ANK3: variants seen among roughly 807,000 people sequenced by gnomAD.
ANK3 encodes the protein ankyrin-3.
Under a neutral mutation model 370.9 loss-of-function variants are expected in ANK3, and 57 were observed. That is an observed-to-expected ratio of 0.15 (90% CI 0.12 to 0.19). The LOEUF is 0.19. ANK3 is among the 10% of genes least tolerant of loss of function. The pLI, the probability that ANK3 is intolerant of heterozygous loss-of-function variation, is 1.00. For missense variants in ANK3, 4,439 were observed against 5,302.1 expected (o/e 0.84, Z 5.06); for synonymous variants, 1,929 against 1,946.3 (o/e 0.99, Z 0.23).
chr10:60,731,201 T>C (rs527503776), intron 1 of ANK3, among the ~76,000 whole-genome samples: 1 of 152,292 alleles, frequency 6.6e-6, no homozygotes, highest in Admixed American at 6.5e-5. Context: ...CACACTTATT[T>C]CTTTAAACTC....
At chr10:60,707,390 A>G (rs938449579) in intron 1 of ANK3, among the ~76,000 whole-genome samples, 2 of 152,132 alleles carry the variant, frequency 1.3e-5, no homozygotes, top group Non-Finnish European at 2.9e-5. Context: ...TAATACAAAC[A>G]CAAGTGTGGA....
At chr10:60,364,543 G>A (rs894695861) in intron 1 of ANK3, among the ~76,000 whole-genome samples, 1 of 151,974 alleles carries the variant, frequency 6.6e-6, no homozygotes, top group Non-Finnish European at 1.5e-5. Context: ...GGGCCTGTTG[G>A]GGGGTGGGAG....
chr10:60,300,155 C>G (rs987679245), intron 1 of ANK3, among the ~76,000 whole-genome samples: 2 of 152,188 alleles, frequency 1.3e-5, no homozygotes, highest in Non-Finnish European at 2.9e-5. Flanking sequence ...ACAGAAAGGA[C>G]AGTCCATTGT....
chr10:60,140,894 C>G, intron 23 of ANK3: 2 of 985,974 alleles, frequency 2.0e-6, no homozygotes, highest in Non-Finnish European at 2.4e-6. Flanking sequence ...GGTGATTCTT[C>G]TCAAATATGA....
intron 1 of ANK3, among the ~76,000 whole-genome samples, chr10:60,654,705 T>A (rs2078839167): frequency 6.6e-6 from 1 of 152,218 alleles, no homozygotes; most frequent in African/African-American, 2.4e-5. Context: ...TTTTTGAAGT[T>A]CTTGTATATC....
chr10:60,135,969 A>C (rs571181726), intron 24 of ANK3, among the ~76,000 whole-genome samples: 76 of 151,732 alleles, frequency 5.0e-4, no homozygotes, highest in African/African-American at 1.8e-3. Context: ...ATTCAGCAAA[A>C]CTTACTAAAA....
chr10:60,510,545 A>T (rs1479978533), intron 2 of ANK3, among the ~76,000 whole-genome samples: 3 of 152,156 alleles, frequency 2.0e-5, no homozygotes, highest in African/African-American at 4.8e-5. Context: ...AGCATGGCAC[A>T]GTAGCTCACG....
chr10:60,728,168 A>T lies in ANK3; in HGVS notation c.57+5095T>A, dbSNP rs181249904. Among the ~76,000 whole-genome samples, 1,265 of 152,246 alleles carry T rather than the reference A, an allele frequency of 8.3e-3. 13 individuals are homozygous for T. Among genetic ancestry groups the T allele is most frequent in the South Asian group, 0.015 (74 of 4,822 alleles). On this transcript the variant is annotated intron_variant, in intron 1 of 43. Transcript: ENST00000373827. ...ACCACTGATAATATCTCAACTTTTT[A>T]AAAAAAGAAAGAAAACCTCAAGGAC...
chr10:60,722,739 G>A (rs1029651065), intron 1 of ANK3, among the ~76,000 whole-genome samples: 2 of 152,146 alleles, frequency 1.3e-5, no homozygotes, highest in African/African-American at 4.8e-5. Flanking sequence ...CCTTGGTGAT[G>A]AGTGAGATCT....
chr10:60,582,356 T>C (rs971247688), intron 2 of ANK3, among the ~76,000 whole-genome samples: 1 of 152,184 alleles, frequency 6.6e-6, no homozygotes, highest in Non-Finnish European at 1.5e-5. Flanking sequence ...CAGTACATCT[T>C]CCTGAGGCAT....
At chr10:60,369,798 T>C (rs2059868753) in intron 1 of ANK3, among the ~76,000 whole-genome samples, 1 of 152,184 alleles carries the variant, frequency 6.6e-6, no homozygotes, top group South Asian at 2.1e-4. Context: ...ACGTTAGATA[T>C]CTGTTTATTT....
intron 27 of ANK3, chr10:60,108,159 A>G (rs768089546): frequency 9.4e-6 from 4 of 426,724 alleles, no homozygotes; most frequent in Non-Finnish European, 1.9e-5. Context: ...AATTGTAGAC[A>G]TTCTGTATCT....
At chr10:60,176,920 C>A (rs1057039161) in intron 18 of ANK3, among the ~76,000 whole-genome samples, 1 of 152,086 alleles carries the variant, frequency 6.6e-6, no homozygotes, top group Non-Finnish European at 1.5e-5. Context: ...TCAAATATTT[C>A]TCCTTTTCTC....
intron 7 of ANK3, among the ~76,000 whole-genome samples, chr10:60,236,673 C>A (rs1352008886): frequency 6.6e-6 from 1 of 152,176 alleles, no homozygotes; most frequent in Admixed American, 6.5e-5. Flanking sequence ...GGAAAGGTTG[C>A]ACATTCTCTT....
In ANK3 at chr10:60,196,218, G is replaced by C; in HGVS notation, c.1814C>G (p.Ala605Gly). 6.2e-7 allele frequency: 1 copy of C among 1,614,032 alleles called. No individual in the cohort carries two copies. The highest frequency in any genetic ancestry group is 8.5e-7 in the Non-Finnish European group (1 of 1,179,954). The change falls in exon 16 of 44, where the codon GCT (alanine) becomes GGT (glycine). Residue 605 changes from alanine to glycine, a missense_variant. Physicochemically the swap from Ala to Gly is moderately conservative, Grantham distance 60. Around this residue, in one of 13 missense-constraint regions of ANK3, gnomAD observed 192 missense variants for 192.1 expected, o/e 1.00. Coordinates refer to ENST00000280772, the MANE Select transcript of ANK3 (RefSeq NM_020987.5). ...GKSGLTPLHV[A>G]AHYDNQKVAL... is the part of the protein sequence containing the mutation. ...CACTTTCTGATTATCGTAATGTGCA[G>C]CTACATGCAGTGGTGTTAGCCCGCT...
chr10:60,272,526 C>G (rs894299319), intron 4 of ANK3, among the ~76,000 whole-genome samples: 10 of 151,834 alleles, frequency 6.6e-5, no homozygotes, highest in African/African-American at 2.4e-4. Context: ...GTCGCCCAAG[C>G]TGGAGTGCAG....
intron 2 of ANK3, among the ~76,000 whole-genome samples, chr10:60,473,572 C>T (rs1299862303): frequency 6.6e-6 from 1 of 151,982 alleles, no homozygotes; most frequent in Non-Finnish European, 1.5e-5. Context: ...ATGAAGGACC[C>T]CTTAAGAAAA....
chr10:60,199,998 G>A, intron 13 of ANK3, 131 bp downstream of exon 13: 1 of 653,300 alleles, frequency 1.5e-6, no homozygotes, highest in Non-Finnish European at 2.7e-6. Context: ...CTTGGGTAGG[G>A]ACTTTTATCA....
At chr10:60,409,750 C>T (rs2063522990) in intron 2 of ANK3, among the ~76,000 whole-genome samples, 1 of 152,126 alleles carries the variant, frequency 6.6e-6, no homozygotes, top group African/African-American at 2.4e-5. Flanking sequence ...GCCTAGACCC[C>T]TCCTCTAGCT....
Sources: allele counts gnomAD v4.1 joint callset (sites outside exome capture counted in the v4.1 genomes callset), GRCh38; gene constraint gnomAD v4.1.1; regional missense constraint gnomAD v4.1.1; transcripts MANE v1.5; gene names NCBI Gene and HGNC (gene_info 2026-07-23, HGNC 2026-07-21).